RALGAPA1: variants seen among roughly 807,000 people sequenced by gnomAD.
RALGAPA1 encodes ral GTPase-activating protein subunit alpha-1.
A neutral mutation model predicts 269.6 loss-of-function variants in RALGAPA1; 52 were observed. That is an observed-to-expected ratio of 0.19 (90% CI 0.15 to 0.24). The LOEUF is 0.24. Ranked by LOEUF, RALGAPA1 falls within the 10% of genes least tolerant of loss-of-function variation. RALGAPA1 has a pLI of 1.00. For missense variants in RALGAPA1, 1,917 were observed against 3,013.9 expected (o/e 0.64, Z 8.52); for synonymous variants, 817 against 1,008.3 (o/e 0.81, Z 3.60).
At chr14:35,627,061 A>AG in intron 34 of RALGAPA1, 29 bp downstream of exon 34, 2 of 1,446,990 alleles carry the variant, frequency 1.4e-6, no homozygotes, top group Non-Finnish European at 9.1e-7. Context: ...AAAAAAAAAA[A>AG]AAAGAAAAAA....
At chr14:35,592,408 C>G (rs532226861) in intron 37 of RALGAPA1, among the ~76,000 whole-genome samples, 46 of 152,350 alleles carry the variant, frequency 3.0e-4, no homozygotes, top group African/African-American at 1.1e-3. Flanking sequence ...GACAGCTTCA[C>G]AGCTGAATTC....
At chr14:35,605,006 G>A (rs2059508554) in intron 36 of RALGAPA1, among the ~76,000 whole-genome samples, 1 of 152,106 alleles carries the variant, frequency 6.6e-6, no homozygotes, top group African/African-American at 2.4e-5. Context: ...ATGACATAAA[G>A]TATAATACCT....
At chr14:35,742,152 A>T (rs559331813) in intron 11 of RALGAPA1, among the ~76,000 whole-genome samples, 1 of 152,298 alleles carries the variant, frequency 6.6e-6, no homozygotes, top group African/African-American at 2.4e-5. Context: ...TCAGTATACA[A>T]CCTCAATACT....
intron 1 of RALGAPA1, among the ~76,000 whole-genome samples, chr14:35,792,992 G>A (rs1056406603): frequency 2.6e-5 from 4 of 151,038 alleles, no homozygotes; most frequent in African/African-American, 9.7e-5. Flanking sequence ...TAAGAACCGA[G>A]AAAAAAGGAA....
intron 37 of RALGAPA1, among the ~76,000 whole-genome samples, chr14:35,585,568 GT>G (rs1490763068): frequency 6.6e-6 from 1 of 152,188 alleles, no homozygotes; most frequent in Non-Finnish European, 1.5e-5. Context: ...AATAAATCTA[GT>G]GCATAAAAGT....
At chr14:35,645,777 G>C (rs1182467018) in intron 31 of RALGAPA1, among the ~76,000 whole-genome samples, 1 of 150,946 alleles carries the variant, frequency 6.6e-6, no homozygotes, top group Non-Finnish European at 1.5e-5. Context: ...TGCATGCCTA[G>C]TTCTTAGATA....
intron 23 of RALGAPA1, 63 bp downstream of exon 23, chr14:35,674,453 G>C (rs886416442): frequency 4.2e-6 from 6 of 1,440,200 alleles, no homozygotes; most frequent in Non-Finnish European, 5.6e-6. Flanking sequence ...GTTTTCTAAG[G>C]CTTCTTCTAT....
chr14:35,678,190 TTTAAACACC>T (rs1193423728), intron 21 of RALGAPA1, 88 bp from the exon 22 acceptor site: 12 of 1,256,768 alleles, frequency 9.5e-6, no homozygotes, highest in Admixed American at 2.9e-5. Flanking sequence ...TAAAAGAAAT[TTTAAACACC>T]AAAAGATAAA....
At chr14:35,758,243 C>CAAAAAAAAAAAAAAAAAAAA (rs66473514) in intron 6 of RALGAPA1, among the ~76,000 whole-genome samples, 3 of 49,734 alleles carry the variant, frequency 6.0e-5, no homozygotes, top group Admixed American at 2.6e-4. Context: ...GACTCTGTCT[C>CAAAAAAAAAAAAAAAAAAAA]AAAAAAAAAA....
intron 37 of RALGAPA1, among the ~76,000 whole-genome samples, chr14:35,588,595 A>C (rs555965684): frequency 6.6e-6 from 1 of 152,356 alleles, no homozygotes; most frequent in African/African-American, 2.4e-5. Flanking sequence ...TATTATCAAA[A>C]AGACAAAATG....
intron 36 of RALGAPA1, among the ~76,000 whole-genome samples, chr14:35,603,293 T>G (rs2059403736): frequency 6.6e-6 from 1 of 152,194 alleles, no homozygotes; most frequent in Non-Finnish European, 1.5e-5. Flanking sequence ...TTTACTTTTT[T>G]TAACAGAAAA....
chr14:35,704,675 C>T (rs1230503586), intron 16 of RALGAPA1, among the ~76,000 whole-genome samples: 2 of 152,080 alleles, frequency 1.3e-5, no homozygotes, highest in South Asian at 2.1e-4. Context: ...AAGGTCCTTA[C>T]ATCAGTTTAG....
intron 39 of RALGAPA1, among the ~76,000 whole-genome samples, chr14:35,563,725 G>A (rs762569399): frequency 5.3e-5 from 8 of 152,056 alleles, no homozygotes; most frequent in Non-Finnish European, 7.4e-5. Flanking sequence ...TAACTTACCC[G>A]AATTATAAGG....
intron 26 of RALGAPA1, 39 bp from the exon 27 acceptor site, chr14:35,664,806 G>C: frequency 6.3e-7 from 1 of 1,586,360 alleles, no homozygotes; most frequent in Non-Finnish European, 8.6e-7. Flanking sequence ...AAATATATTG[G>C]TGTTATGAAA....
rs139532758 is a variant in RALGAPA1 at position 35,672,542 on chromosome 14, A to G, written c.5073+325T>C. On this transcript the variant is annotated intron_variant, in intron 25 of 41. Transcript: ENST00000680220. The stretch of plus-strand genomic sequence containing the variant: ...TCAAGTATCAGTCACAAAATGCCTA[A>G]GAGTAGGTACATTAGAATATTATTA... 1.8e-3 allele frequency among the ~76,000 whole-genome samples: 277 copies of G among 152,248 alleles called. 1 individual carries two copies. The highest frequency in any genetic ancestry group is 6.4e-3 in the African/African-American group (264 of 41,554).
chr14:35,723,339 A>T (rs2069599489), intron 14 of RALGAPA1, 75 bp from the exon 15 acceptor site: 2 of 815,160 alleles, frequency 2.5e-6, no homozygotes, highest in South Asian at 2.2e-5. Context: ...TTCAATTCTT[A>T]AAAAAATTAC....
chr14:35,752,277 T>C (rs1276343506), intron 7 of RALGAPA1, 115 bp from the exon 8 acceptor site: 3 of 1,159,142 alleles, frequency 2.6e-6, no homozygotes, highest in South Asian at 2.0e-5. Context: ...CTGTTAACAC[T>C]AAAGATCATG....
In RALGAPA1 at chr14:35,549,129, G is replaced by C. The variant is rs2054732702; in HGVS notation, c.7602C>G (p.His2534Gln). 1.9e-6 allele frequency: 3 copies of C among 1,611,288 alleles called. No individual in the cohort carries two copies. Among genetic ancestry groups the C allele is most frequent in the Middle Eastern group, 2.1e-4 (1 of 4,758 alleles). Reference protein sequence around the residue: ...AAQVFSPAPYHHLPSDADH With the variant: ...AAQVFSPAPYQHLPSDADH The stretch of plus-strand genomic sequence containing the variant: ...TCTTACCGGCATCAGATGGTAAATG[G>C]TGGTAGGGAGCTGGAGAAAAAACCT... The change falls in exon 40 of 42, where the codon CAC becomes CAG. Residue 2534 changes from histidine (H) to glutamine (Q), a missense_variant. Coordinates refer to ENST00000680220, the MANE Select transcript of RALGAPA1 (RefSeq NM_001346249.2).
chr14:35,613,980 A>G (rs2060105260), intron 35 of RALGAPA1, among the ~76,000 whole-genome samples: 1 of 152,214 alleles, frequency 6.6e-6, no homozygotes, highest in Non-Finnish European at 1.5e-5. Context: ...GGCTGATCAA[A>G]GCTGTACAGG....
Sources: allele counts gnomAD v4.1 joint callset (sites outside exome capture counted in the v4.1 genomes callset), GRCh38; gene constraint gnomAD v4.1.1; transcripts MANE v1.5; gene names NCBI Gene and HGNC (gene_info 2026-07-23, HGNC 2026-07-21).